Variants in KHDRBS2 observed in about 807,000 individuals in gnomAD.
The protein encoded by KHDRBS2 is KH RNA binding domain containing, signal transduction associated 2.
Under a neutral mutation model 44.3 loss-of-function variants are expected in KHDRBS2, and 26 were observed. That is an observed-to-expected ratio of 0.59 (90% CI 0.43 to 0.81). KHDRBS2 has a LOEUF of 0.81. KHDRBS2 is among the 40% of genes least tolerant of loss of function. The pLI is 0.00. For missense variants in KHDRBS2, 476 were observed against 433.1 expected, an observed-to-expected ratio of 1.10 and a Z score of -0.88; for synonymous variants, 194 against 151.1, an observed-to-expected ratio of 1.28 and a Z score of -2.08.
chr6:61,862,043 T>C (rs1409397259), intron 6 of KHDRBS2, among the ~76,000 whole-genome samples: 2 of 152,146 alleles, frequency 1.3e-5, no homozygotes, highest in Non-Finnish European at 1.5e-5. Flanking sequence ...GGAATGCTTG[T>C]GATTCATGCA....
chr6:61,557,958 T>C, the KHDRBS2 span, among the ~76,000 whole-genome samples: 2 of 152,204 alleles, frequency 1.3e-5, no homozygotes, highest in Non-Finnish European at 2.9e-5. Context: ...TAATGATCCT[T>C]TGACGCTGTA....
the KHDRBS2 span, among the ~76,000 whole-genome samples, chr6:61,573,104 A>G: frequency 6.6e-6 from 1 of 152,176 alleles, no homozygotes; most frequent in African/African-American, 2.4e-5. Context: ...TAGATCTGAT[A>G]AATAAATTCA....
rs111753626 is a variant in KHDRBS2, at chr6:61,731,670, C to A, written c.893+1012G>T. ...CCAATAAAGTTGGTCAAGAAATGAT[C>A]AATGCTATAATGATTTTGCAACAGT... On this transcript the variant is annotated intron_variant, in intron 7 of 8. Coordinates refer to ENST00000281156, the MANE Select transcript of KHDRBS2 (RefSeq NM_152688.4). 9.0e-3 allele frequency among the ~76,000 whole-genome samples: 1,374 copies of A among 152,056 alleles called. 13 individuals carry two copies. The highest frequency in any genetic ancestry group is 0.027 in the Middle Eastern group (8 of 294).
intron 6 of KHDRBS2, among the ~76,000 whole-genome samples, chr6:61,736,399 C>T (rs1775365611): frequency 6.6e-6 from 1 of 151,926 alleles, no homozygotes; most frequent in African/African-American, 2.4e-5. Context: ...CAGGGCAGTC[C>T]AGCACTCTAT....
At chr6:62,092,935 T>G (rs1054832985) in intron 2 of KHDRBS2, among the ~76,000 whole-genome samples, 5 of 152,098 alleles carry the variant, frequency 3.3e-5, no homozygotes, top group African/African-American at 1.2e-4. Context: ...TCAGACAGGT[T>G]AATTTTTAAA....
the KHDRBS2 span, among the ~76,000 whole-genome samples, chr6:61,628,409 T>A: frequency 2.6e-5 from 4 of 152,016 alleles, no homozygotes; most frequent in African/African-American, 4.8e-5. Flanking sequence ...CAGGCACACA[T>A]GTATATGTTG....
chr6:62,074,659 A>G (rs1214672989), intron 2 of KHDRBS2, among the ~76,000 whole-genome samples: 3 of 151,942 alleles, frequency 2.0e-5, no homozygotes, highest in Admixed American at 6.6e-5. Flanking sequence ...TAAAAAATAT[A>G]TATGTTATCA....
At chr6:62,268,502 G>A (rs560262183) in intron 1 of KHDRBS2, among the ~76,000 whole-genome samples, 3 of 152,126 alleles carry the variant, frequency 2.0e-5, no homozygotes, top group East Asian at 3.9e-4. Flanking sequence ...AGCTATCATC[G>A]TGGATGCAGA....
At chr6:61,592,793 C>T in the KHDRBS2 span, among the ~76,000 whole-genome samples, 29,101 of 151,622 alleles carry the variant, frequency 0.19, 3,107 homozygotes, top group East Asian at 0.29. Flanking sequence ...AAGAGATTGG[C>T]GAAGAAAAAC....
At chr6:61,954,547 TATGTATATATAC>T (rs1765674075) in intron 4 of KHDRBS2, among the ~76,000 whole-genome samples, 1 of 147,482 alleles carries the variant, frequency 6.8e-6, no homozygotes, top group African/African-American at 2.5e-5. Context: ...TATACATATA[TATGTATATATAC>T]ACATACATAC....
chr6:61,612,869 T>G, the KHDRBS2 span, among the ~76,000 whole-genome samples: 1 of 88,804 alleles, frequency 1.1e-5, no homozygotes, highest in Non-Finnish European at 2.4e-5. Context: ...TTTTTTTTTT[T>G]TGAGACGGAG....
the KHDRBS2 span, among the ~76,000 whole-genome samples, chr6:61,655,211 AATAC>A: frequency 1.9e-4 from 26 of 136,672 alleles, no homozygotes; most frequent in Middle Eastern, 3.7e-3. Flanking sequence ...AGAACGTTTA[AATAC>A]ATACATACAT....
At chr6:61,721,344 C>T (rs1772495904) in intron 7 of KHDRBS2, among the ~76,000 whole-genome samples, 1 of 151,958 alleles carries the variant, frequency 6.6e-6, no homozygotes, top group Non-Finnish European at 1.5e-5. Flanking sequence ...ATGGGGGTGG[C>T]ATTGAATCTG....
Position 61,955,529 on chromosome 6 carries a change from C to CAT in KHDRBS2, c.483+22535_483+22536dup, listed in dbSNP as rs1554292119. On this transcript the variant is annotated intron_variant, in intron 4 of 8. Transcript: ENST00000281156. ...ATATACACATATGTATGTATGTATA[C>CAT]ATGTGTATATATACACATATGTATG... 4.0e-3 allele frequency among the ~76,000 whole-genome samples: 120 copies of CAT among 30,334 alleles called. 37 individuals carry two copies. Among genetic ancestry groups the CAT allele is most frequent in the South Asian group, 0.01 (8 of 778 alleles). The allele number at this position is 30,334 out of a possible 152,430, so 19.9% of individuals were successfully genotyped here.
chr6:62,187,412 A>C (rs770236482), intron 1 of KHDRBS2, among the ~76,000 whole-genome samples: 15 of 152,126 alleles, frequency 9.9e-5, no homozygotes, highest in Non-Finnish European at 1.8e-4. Flanking sequence ...GAAACTGAAC[A>C]CTGTGGTGAA....
the KHDRBS2 span, among the ~76,000 whole-genome samples, chr6:61,563,422 C>T: frequency 6.6e-6 from 1 of 151,956 alleles, no homozygotes; most frequent in Admixed American, 6.6e-5. Flanking sequence ...AAAAGAATAC[C>T]TTCTGACGTT....
At chr6:61,992,667 C>A (rs1776359095) in intron 3 of KHDRBS2, among the ~76,000 whole-genome samples, 1 of 152,108 alleles carries the variant, frequency 6.6e-6, no homozygotes, top group African/African-American at 2.4e-5. Flanking sequence ...GTATAGTTAA[C>A]TGAGGCTTTT....
Position 61,838,163 on chromosome 6 carries a change from A to T in KHDRBS2, c.810+56472T>A, listed in dbSNP as rs146164873. Among the ~76,000 whole-genome samples the T allele has an allele frequency of 9.2e-3, 1,399 of 152,190 alleles. 24 individuals are homozygous for T. The highest frequency in any genetic ancestry group is 0.032 in the African/African-American group (1,318 of 41,560). On this transcript the variant is annotated intron_variant, in intron 6 of 8. Coordinates refer to ENST00000281156, the MANE Select transcript of KHDRBS2 (RefSeq NM_152688.4). ...TATCTTGGTGCAGTGTTTATATGGA[A>T]TACTTCTCACATATATAGGTTACAA... is the stretch of plus-strand genomic sequence containing the variant.
intron 3 of KHDRBS2, among the ~76,000 whole-genome samples, chr6:62,016,358 C>A (rs1781204427): frequency 6.6e-6 from 1 of 151,678 alleles, no homozygotes; most frequent in South Asian, 2.1e-4. Flanking sequence ...AATACAAGAA[C>A]ATTCAGTATA....
Sources: gnomAD v4.1 joint callset for allele counts (sites outside exome capture counted in the v4.1 genomes callset) on GRCh38, gnomAD v4.1.1 for gene constraint, MANE v1.5 for transcripts, NCBI Gene and HGNC (gene_info 2026-07-23, HGNC 2026-07-21) for gene names.